The following CEP164 variants were observed in gnomAD, a reference collection of about 807,000 sequenced individuals.
The protein encoded by CEP164 is centrosomal protein of 164 kDa.
In CEP164, 162 loss-of-function variants were observed where a neutral mutation model predicts 182.7. That is an observed-to-expected ratio of 0.89 (90% CI 0.78 to 1.01). The LOEUF is 1.01. CEP164 is among the 50% of genes least tolerant of loss of function. CEP164 has a pLI of 0.00. For synonymous variants in CEP164, 661 were observed against 690.0 expected (o/e 0.96, Z 0.66); for missense variants, 1,735 against 1,790.4 (o/e 0.97, Z 0.56).
intron 14 of CEP164, chr11:117,386,900 C>T (rs2044026423): frequency 2.8e-6 from 1 of 360,790 alleles, no homozygotes; most frequent in Non-Finnish European, 5.1e-6. Flanking sequence ...CTGCTGCTGC[C>T]AGCTCTTGAG....
chr11:117,398,499 T>C (rs2045762599), intron 27 of CEP164, among the ~76,000 whole-genome samples: 1 of 152,230 alleles, frequency 6.6e-6, no homozygotes, highest in Non-Finnish European at 1.5e-5. Context: ...CACATGTCCC[T>C]TCTGAACTGC....
At chr11:117,393,936 C>T (rs1247179034) in intron 20 of CEP164, among the ~76,000 whole-genome samples, 4 of 152,200 alleles carry the variant, frequency 2.6e-5, no homozygotes, top group Non-Finnish European at 5.9e-5. Flanking sequence ...GAACCAGTAT[C>T]CCAGACTCTT....
At chr11:117,371,810 T>C (rs1424081942) in intron 9 of CEP164, among the ~76,000 whole-genome samples, 1 of 150,784 alleles carries the variant, frequency 6.6e-6, no homozygotes, top group East Asian at 1.9e-4. Flanking sequence ...TTTTTTTTTT[T>C]CTGTTGTTTT....
intron 28 of CEP164, 176 bp from the exon 29 acceptor site, chr11:117,408,714 G>A (rs944782611): frequency 8.9e-6 from 7 of 783,340 alleles, no homozygotes; most frequent in Middle Eastern, 3.1e-4. Flanking sequence ...CAACAAAATT[G>A]CTAGGAGAAC....
intron 3 of CEP164, among the ~76,000 whole-genome samples, chr11:117,339,399 G>A (rs2037726289): frequency 6.6e-6 from 1 of 151,852 alleles, no homozygotes; most frequent in Admixed American, 6.6e-5. Flanking sequence ...CACGAACTTA[G>A]AGCAGTGTTT....
intron 3 of CEP164, among the ~76,000 whole-genome samples, chr11:117,341,348 C>A (rs140839493): frequency 1.3e-5 from 2 of 152,146 alleles, no homozygotes; most frequent in Non-Finnish European, 2.9e-5. Context: ...TTTAGTCCCC[C>A]CGCATCCCCA....
In CEP164 at chr11:117,381,835, C is replaced by A; in HGVS notation, c.1544C>A (p.Ala515Glu). ...GCAGAGGAGCTTGGGGAGGACTCTG[C>A]AGCCAGCCTCAGCCTGCAGCTGTCC... is the stretch of plus-strand genomic sequence containing the variant. ...KEAEELGEDS[A>E]ASLSLQLSLQ... The change falls in exon 13 of 33, where the codon GCA (alanine) becomes GAA (glutamate). Residue 515 changes from alanine (A) to glutamate (E), a missense_variant. Physicochemically the swap from Ala to Glu is moderately radical, Grantham distance 107 (BLOSUM62 -1). Coordinates refer to ENST00000278935, the MANE Select transcript of CEP164 (RefSeq NM_014956.5). The A allele has an allele frequency of 6.6e-7, 1 of 1,525,564 alleles. No homozygotes were observed. The highest frequency in any genetic ancestry group is 8.8e-7 in the Non-Finnish European group (1 of 1,135,838). 94.5% of individuals were successfully genotyped at this position (1,525,564 alleles called of 1,614,324 possible).
At position 117,354,770 on chromosome 11, in the gene CEP164, A is replaced by T. The variant is rs1219536254; in HGVS notation, c.393+2782A>T. 1.1e-4 allele frequency among the ~76,000 whole-genome samples: 10 copies of T among 89,548 alleles called. No individual in the cohort carries two copies. In the East Asian group the frequency reaches 1.3e-3, roughly 12 times the overall value. The allele number at this position is 89,548 out of a possible 152,430, so 58.7% of individuals were successfully genotyped here. On this transcript the variant is annotated intron_variant, in intron 5 of 32. Coordinates refer to ENST00000278935, the MANE Select transcript of CEP164 (RefSeq NM_014956.5). Reference sequence around the variant, plus strand: ...ATTATTTTTTTTTGCTATTGATTTTATTTATTTATTTATTTATTTATTTAT... The same window carrying T: ...ATTATTTTTTTTTGCTATTGATTTTTTTTATTTATTTATTTATTTATTTAT...
rs2046909230 is a variant in CEP164 at position 117,408,023 on chromosome 11, T to A, written c.3600T>A (p.Leu1200=). 1 of 1,586,432 alleles carries A rather than the reference T, an allele frequency of 6.3e-7. No homozygotes were observed. Among genetic ancestry groups the A allele is most frequent in the African/African-American group, 1.3e-5 (1 of 74,568 alleles). Reference sequence around the variant, plus strand: ...AGCTGAATCAGTTGGAGTCCTCTCTTTGGGAAGAGGTGCAGCCCCATGTCC... The same window carrying A: ...AGCTGAATCAGTTGGAGTCCTCTCTATGGGAAGAGGTGCAGCCCCATGTCC... ...EEKLNQLESS[L]WEEASDEGTL... The change falls in exon 28 of 33, where the codon CTT becomes CTA. Residue 1200 remains leucine, a synonymous_variant. Coordinates refer to ENST00000278935, the MANE Select transcript of CEP164 (RefSeq NM_014956.5).
chr11:117,350,903 G>A (rs927511898), intron 4 of CEP164, among the ~76,000 whole-genome samples: 1 of 152,094 alleles, frequency 6.6e-6, no homozygotes, highest in Non-Finnish European at 1.5e-5. Context: ...CTAATAGATT[G>A]TTGTTAATGG....
intron 1 of CEP164, 26 bp from the exon 2 acceptor site, chr11:117,335,579 C>CTT (rs34483283): frequency 2.5e-4 from 29 of 114,164 alleles, no homozygotes; most frequent in South Asian, 5.6e-4. Context: ...CAGATCTTGA[C>CTT]TTTTTTTTTT....
chr11:117,373,553 CCA>C (rs932595503), intron 9 of CEP164, among the ~76,000 whole-genome samples, 196 bp from the exon 10 acceptor site: 62 of 152,136 alleles, frequency 4.1e-4, no homozygotes, highest in African/African-American at 1.4e-3. Flanking sequence ...CTGCCCAGCC[CCA>C]GTGGGGCGGA....
At position 117,409,539 on chromosome 11, in the gene CEP164, C is replaced by T. The variant is rs2047087962; in HGVS notation, c.3749-79C>T. 2 of 1,337,226 alleles carry T rather than the reference C, an allele frequency of 1.5e-6. No homozygotes were observed. The highest frequency in any genetic ancestry group is 1.3e-5 in the South Asian group (1 of 74,864). The allele number at this position is 1,337,226 out of a possible 1,614,324, so 82.8% of individuals were successfully genotyped here. A position where few individuals can be genotyped will look rare whatever the true frequency, so the allele number is the denominator to read the frequency against. On this transcript the variant is annotated intron_variant, in intron 29 of 32. Transcript: ENST00000278935. This position sits in a 1 kb window ranked among gnomAD's most constrained non-coding sequence, Gnocchi z 4.4. The stretch of plus-strand genomic sequence containing the variant: ...GCAGGGAGGGGTGGCCAGTAGGGTC[C>T]TCCATGACAGCTGTGTCTGGGAATG...
chr11:117,375,739 A>AATTGATGTGCTTTCCCCAGT lies in CEP164; in HGVS notation c.1265_1266insATTGATGTGCTTTCCCCAGT (p.His422GlnfsTer32). ...GGTTTTCGCAGCCGGATCTCGGAGC[A>AATTGATGTGCTTTCCCCAGT]CCTGCTGGATGTTGATGTGCTTTCC... On this transcript the variant is annotated frameshift_variant, in exon 11 of 33. Transcript: ENST00000278935. LOFTEE classifies it high-confidence loss of function. The AATTGATGTGCTTTCCCCAGT allele has an allele frequency of 1.2e-6, 2 of 1,614,016 alleles. No individual in the cohort carries two copies. Among genetic ancestry groups the AATTGATGTGCTTTCCCCAGT allele is most frequent in the African/African-American group, 2.7e-5 (2 of 74,974 alleles).
At position 117,335,660 on chromosome 11, in the gene CEP164, A is replaced by G. The variant is rs1467151641; in HGVS notation, c.-42A>G. On this transcript the variant is annotated 5_prime_UTR_variant, in exon 2 of 33. Coordinates refer to ENST00000278935, the MANE Select transcript of CEP164 (RefSeq NM_014956.5). ...GAGAATGAGAATAGGACCTGAGAGT[A>G]TATTGGGCTAAGGAGGAGAGGTAAG... is the stretch of plus-strand genomic sequence containing the variant. 6.6e-6 allele frequency: 1 copy of G among 151,310 alleles called. No individual in the cohort carries two copies. The highest frequency in any genetic ancestry group is 2.5e-5 in the African/African-American group (1 of 40,758). 9.4% of individuals were successfully genotyped at this position (151,310 alleles called of 1,614,324 possible).
At chr11:117,341,432 CTTT>C in intron 3 of CEP164, among the ~76,000 whole-genome samples, 1 of 150,018 alleles carries the variant, frequency 6.7e-6, no homozygotes, top group South Asian at 2.2e-4. Context: ...TCACATTGGC[CTTT>C]TTTTGTTGTT....
At chr11:117,374,182 G>A (rs1461137508) in intron 10 of CEP164, among the ~76,000 whole-genome samples, 1 of 152,118 alleles carries the variant, frequency 6.6e-6, no homozygotes, top group Non-Finnish European at 1.5e-5. Flanking sequence ...GGAGGTTAGA[G>A]ACTGGTGTGT....
chr11:117,362,644 C>G (rs2041126830), intron 7 of CEP164, 106 bp downstream of exon 7: 1 of 1,304,272 alleles, frequency 7.7e-7, no homozygotes, highest in Admixed American at 2.3e-5. Context: ...TAAAATTTGC[C>G]CTTTTAACCA....
intron 5 of CEP164, among the ~76,000 whole-genome samples, chr11:117,361,553 C>T (rs952888642): frequency 3.3e-5 from 5 of 151,826 alleles, no homozygotes; most frequent in African/African-American, 1.2e-4. Flanking sequence ...TATATGGCTT[C>T]TGAAAGGAGA....
Sources: gnomAD v4.1 joint callset for allele counts (sites outside exome capture counted in the v4.1 genomes callset) on GRCh38, gnomAD v4.1.1 for gene constraint, Gnocchi (gnomAD v3.1) non-coding constraint, MANE v1.5 for transcripts, NCBI Gene and HGNC (gene_info 2026-07-23, HGNC 2026-07-21) for gene names.